FOXN3: variants seen among roughly 807,000 people sequenced by gnomAD.
FOXN3 encodes the protein forkhead box N3.
In FOXN3, 7 loss-of-function variants were observed where a neutral mutation model predicts 38.4. The ratio of observed to expected loss-of-function variants is 0.18; its 90% CI spans 0.10 to 0.34. The LOEUF is 0.34. FOXN3 is among the 10% of genes least tolerant of loss of function. The pLI is 1.00. For missense variants in FOXN3, 456 were observed against 613.4 expected (o/e 0.74, Z 2.71); for synonymous variants, 230 against 242.2 (o/e 0.95, Z 0.47).
chr14:89,205,911 C>T (rs763620432), intron 4 of FOXN3, among the ~76,000 whole-genome samples: 8 of 152,330 alleles, frequency 5.3e-5, no homozygotes, highest in South Asian at 2.1e-4. Context: ...CCCTGTCACG[C>T]GCCCTGGGAG....
intron 3 of FOXN3, among the ~76,000 whole-genome samples, chr14:89,287,220 C>G (rs546186981): frequency 6.6e-6 from 1 of 152,082 alleles, no homozygotes; most frequent in African/African-American, 2.4e-5. Flanking sequence ...GTGGTGTGAT[C>G]TGGGCTCACT....
chr14:89,372,808 G>A (rs996860294), intron 2 of FOXN3, among the ~76,000 whole-genome samples: 2 of 151,778 alleles, frequency 1.3e-5, no homozygotes, highest in African/African-American at 4.8e-5. Context: ...CTCTTTAATC[G>A]CTGAGGGAAC....
At chr14:89,559,714 A>G (rs1035359290) in intron 1 of FOXN3, among the ~76,000 whole-genome samples, 4 of 152,176 alleles carry the variant, frequency 2.6e-5, no homozygotes, top group Non-Finnish European at 5.9e-5. Flanking sequence ...TTTTAAATAA[A>G]AAAAGAACTT....
At chr14:89,365,677 G>A (rs1023896065) in intron 2 of FOXN3, among the ~76,000 whole-genome samples, 1 of 152,104 alleles carries the variant, frequency 6.6e-6, no homozygotes, top group African/African-American at 2.4e-5. Flanking sequence ...AAAGGGTAGA[G>A]GCACAGAAGC....
At chr14:89,474,902 G>A (rs1008766801) in intron 1 of FOXN3, among the ~76,000 whole-genome samples, 3 of 152,010 alleles carry the variant, frequency 2.0e-5, no homozygotes, top group Admixed American at 6.6e-5. Flanking sequence ...TGCAACCTCC[G>A]CCTCCTGGGT....
chr14:89,609,974 G>A (rs890216002), intron 1 of FOXN3, among the ~76,000 whole-genome samples: 5 of 152,120 alleles, frequency 3.3e-5, no homozygotes, highest in Non-Finnish European at 5.9e-5. Flanking sequence ...AGAAAAAAAT[G>A]AGGGCCCTTA....
intron 3 of FOXN3, among the ~76,000 whole-genome samples, chr14:89,301,913 G>A (rs967472769): frequency 6.6e-6 from 1 of 152,108 alleles, no homozygotes; most frequent in African/African-American, 2.4e-5. Context: ...AAGGTACCCT[G>A]TCTACTCACT....
chr14:89,211,379 G>C (rs1196316311), intron 4 of FOXN3, among the ~76,000 whole-genome samples: 1 of 152,192 alleles, frequency 6.6e-6, no homozygotes, highest in African/African-American at 2.4e-5. Flanking sequence ...CTCTGGATGT[G>C]GACAGAAAGT....
intron 1 of FOXN3, among the ~76,000 whole-genome samples, chr14:89,564,770 G>C (rs1303293621): frequency 5.3e-5 from 8 of 152,028 alleles, no homozygotes; most frequent in Non-Finnish European, 8.8e-5. Flanking sequence ...CCCGGAATAA[G>C]GTGGGCCCTA....
In FOXN3 at chr14:89,412,015, T is replaced by C. The variant is rs541672505; in HGVS notation, c.462A>G (p.Ala154=). The C allele has an allele frequency of 1.2e-6, 2 of 1,611,562 alleles. No individual in the cohort carries two copies. Among genetic ancestry groups the C allele is most frequent in the East Asian group, 4.5e-5 (2 of 44,870 alleles). ...ILEHFPYFAN[A]PTGWKNSVRH... ...TCACTGAGTTTTTCCACCCAGTAGG[T>C]GCATTTGCAAAATACGGAAAATGTT... The change falls in exon 2 of 6, where the codon GCA becomes GCG. Residue 154 remains alanine (A), a synonymous_variant. Coordinates refer to ENST00000557258, the MANE Select transcript of FOXN3 (RefSeq NM_005197.4). This position sits in a 1 kb window ranked among gnomAD's most constrained non-coding sequence, Gnocchi z 4.7.
chr14:89,382,899 C>T (rs1890689595), intron 2 of FOXN3, among the ~76,000 whole-genome samples: 1 of 152,190 alleles, frequency 6.6e-6, no homozygotes, highest in Non-Finnish European at 1.5e-5. Flanking sequence ...GAAGTGCCCT[C>T]CTGGGTCCAA....
chr14:89,321,405 G>A (rs950150998), intron 3 of FOXN3, among the ~76,000 whole-genome samples: 5 of 152,012 alleles, frequency 3.3e-5, no homozygotes, highest in Non-Finnish European at 5.9e-5. Context: ...GTGAAAACCC[G>A]TCTCTATTAA....
Position 89,504,321 on chromosome 14 carries a change from G to C in FOXN3, c.-14-91831C>G, listed in dbSNP as rs186729498. Among the ~76,000 whole-genome samples the C allele has an allele frequency of 2.9e-4, 44 of 152,362 alleles. No homozygotes were observed. The South Asian group carries it at 3.5e-3, about 12-fold the overall frequency. Reference sequence around the variant, plus strand: ...TTTGCAGGACGGCTGCATTGCCATGGGGTAAGTCCAAACACTGAATGTTTT... The same window carrying C: ...TTTGCAGGACGGCTGCATTGCCATGCGGTAAGTCCAAACACTGAATGTTTT... On this transcript the variant is annotated intron_variant, in intron 1 of 6. Transcript: ENST00000345097.
chr14:89,233,087 A>G (rs1884867785), intron 4 of FOXN3, among the ~76,000 whole-genome samples: 1 of 152,240 alleles, frequency 6.6e-6, no homozygotes, highest in Admixed American at 6.5e-5. Flanking sequence ...GGCATCCGAC[A>G]CAAAGGACAC....
At chr14:89,350,938 A>G (rs901328051) in intron 2 of FOXN3, 130 bp from the exon 3 acceptor site, 35 of 618,858 alleles carry the variant, frequency 5.7e-5, no homozygotes, top group Non-Finnish European at 8.5e-5. Flanking sequence ...TGCCAGCCTT[A>G]AATATTATAC....
chr14:89,358,447 A>G (rs1889325085), intron 2 of FOXN3, among the ~76,000 whole-genome samples: 2 of 152,204 alleles, frequency 1.3e-5, no homozygotes, highest in African/African-American at 4.8e-5. Flanking sequence ...ATTGGGGGAT[A>G]CAGACACGGA....
intron 4 of FOXN3, among the ~76,000 whole-genome samples, chr14:89,271,428 T>A (rs1886148294): frequency 6.6e-6 from 1 of 152,226 alleles, no homozygotes; most frequent in South Asian, 2.1e-4. Context: ...TATTTTATAA[T>A]CTAACTGATA....
intron 1 of FOXN3, among the ~76,000 whole-genome samples, chr14:89,552,219 T>C (rs1221408399): frequency 1.3e-5 from 2 of 152,242 alleles, no homozygotes; most frequent in East Asian, 1.9e-4. Context: ...GAATTGTGTG[T>C]TCAGTTGTTT....
chr14:89,390,695 G>T (rs1890921028), intron 2 of FOXN3, among the ~76,000 whole-genome samples: 1 of 152,070 alleles, frequency 6.6e-6, no homozygotes, highest in Non-Finnish European at 1.5e-5. Context: ...CAAAGTAATT[G>T]AATCTACTCG....
Sources: gnomAD v4.1 joint callset for allele counts (sites outside exome capture counted in the v4.1 genomes callset) on GRCh38, gnomAD v4.1.1 for gene constraint, Gnocchi (gnomAD v3.1) non-coding constraint, MANE v1.5 for transcripts, NCBI Gene and HGNC (gene_info 2026-07-23, HGNC 2026-07-21) for gene names.